The following TRPC4 variants were observed in gnomAD, a reference collection of about 807,000 sequenced individuals.
The protein encoded by TRPC4 is transient receptor potential cation channel subfamily C member 4, also known as short transient receptor potential channel 4.
TRPC4 carries 49 observed loss-of-function variants against 99.4 expected under a neutral mutation model. That is an observed-to-expected ratio of 0.49 (90% CI 0.39 to 0.63). The LOEUF (loss-of-function observed/expected upper bound fraction) is 0.63. Among genes scored for constraint, TRPC4 ranks in the 20% least tolerant of loss-of-function variants. The probability of loss-of-function intolerance (pLI) is 0.00; values close to 1 mark genes in which losing one functional copy is unlikely to be tolerated. For synonymous variants in TRPC4, 454 were observed against 425.9 expected, an observed-to-expected ratio of 1.07 and a Z score of -0.81; for missense variants, 898 against 1,152.9, an observed-to-expected ratio of 0.78 and a Z score of 3.20.
intron 1 of TRPC4, among the ~76,000 whole-genome samples, chr13:37,821,727 CAAT>C (rs1446411146): frequency 6.6e-6 from 1 of 152,010 alleles, no homozygotes; most frequent in Non-Finnish European, 1.5e-5. Context: ...TCTCTCTATT[CAAT>C]AAATGATGCT....
chr13:37,769,075 G>A (rs1956472609), intron 2 of TRPC4, among the ~76,000 whole-genome samples: 1 of 151,338 alleles, frequency 6.6e-6, no homozygotes, highest in Admixed American at 6.6e-5. Flanking sequence ...AAAAATTCAT[G>A]GAAACTTGTA....
At chr13:37,699,315 T>C (rs77232420) in intron 3 of TRPC4, among the ~76,000 whole-genome samples, 24 of 152,268 alleles carry the variant, frequency 1.6e-4, no homozygotes, top group Non-Finnish European at 2.9e-4. Context: ...TATACACGTA[T>C]GTGCATATAC....
intron 2 of TRPC4, among the ~76,000 whole-genome samples, chr13:37,752,775 A>G (rs1170963715): frequency 6.6e-6 from 1 of 152,062 alleles, no homozygotes; most frequent in Non-Finnish European, 1.5e-5. Flanking sequence ...AGGATTACAG[A>G]TTCGCAGGTG....
chr13:37,774,689 G>A (rs768723550), intron 2 of TRPC4, among the ~76,000 whole-genome samples: 7 of 151,496 alleles, frequency 4.6e-5, no homozygotes, highest in East Asian at 3.9e-4. Flanking sequence ...AGTGTGTGTC[G>A]TTCTACTCTA....
chr13:37,787,586 A>G (rs2139371312), intron 1 of TRPC4, among the ~76,000 whole-genome samples: 1 of 152,150 alleles, frequency 6.6e-6, no homozygotes, highest in African/African-American at 2.4e-5. Flanking sequence ...CATAAAAAAT[A>G]TTGCATATGA....
At chr13:37,785,626 A>C (rs1046163635) in intron 1 of TRPC4, among the ~76,000 whole-genome samples, 32 of 152,114 alleles carry the variant, frequency 2.1e-4, no homozygotes, top group South Asian at 4.1e-4. Context: ...TGCACACATC[A>C]GTTCTGCAGG....
chr13:37,637,484 C>T lies in TRPC4; in HGVS notation c.2353G>A (p.Gly785Ser), dbSNP rs750641378. Residue 785 changes from glycine (G) to serine (S), a missense_variant, in exon 11 of 11, where the codon GGT (glycine) becomes AGT (serine). Gly to Ser is a moderately conservative substitution (Grantham distance 56). Coordinates refer to ENST00000379705, the MANE Select transcript of TRPC4 (RefSeq NM_016179.4). ...ADSDEKSDSE[G>S]NSKDKKKNFS... ...TTCTTTTTCTTGTCCTTGCTATTAC[C>T]TTCGCTATCACTCTTTTCATCTGAG... 26 of 1,613,630 alleles carry T rather than the reference C, an allele frequency of 1.6e-5. No individual in the cohort carries two copies. The highest frequency in any genetic ancestry group is 2.2e-5 in the Non-Finnish European group (26 of 1,179,802).
intron 1 of TRPC4, among the ~76,000 whole-genome samples, chr13:37,828,367 T>G (rs1958312740): frequency 6.6e-6 from 1 of 152,190 alleles, no homozygotes; most frequent in African/African-American, 2.4e-5. Context: ...GAAAAGGGAA[T>G]GCTTATACGG....
chr13:37,750,734 G>C (rs1955910982), intron 2 of TRPC4, among the ~76,000 whole-genome samples: 1 of 151,916 alleles, frequency 6.6e-6, no homozygotes, highest in Non-Finnish European at 1.5e-5. Context: ...GTGCCATGGT[G>C]GTTTGCTGCA....
At chr13:37,728,469 T>A (rs1037036366) in intron 3 of TRPC4, among the ~76,000 whole-genome samples, 1 of 152,020 alleles carries the variant, frequency 6.6e-6, no homozygotes, top group African/African-American at 2.4e-5. Context: ...AGGAATTACC[T>A]TAACCATGGA....
intron 1 of TRPC4, among the ~76,000 whole-genome samples, chr13:37,815,121 A>C (rs1437570367): frequency 6.6e-6 from 1 of 151,834 alleles, no homozygotes; most frequent in Non-Finnish European, 1.5e-5. Context: ...ACTATATATC[A>C]ACATGAAAAA....
At chr13:37,796,244 C>T (rs962877501) in intron 1 of TRPC4, among the ~76,000 whole-genome samples, 6 of 152,056 alleles carry the variant, frequency 3.9e-5, no homozygotes, top group African/African-American at 7.2e-5. Context: ...ACAAAAATTC[C>T]GGAAAACTTA....
chr13:37,848,123 C>G (rs1958953929), intron 1 of TRPC4, among the ~76,000 whole-genome samples: 1 of 151,892 alleles, frequency 6.6e-6, no homozygotes, highest in African/African-American at 2.4e-5. Flanking sequence ...GGACATAAGC[C>G]CATCATAAGC....
intron 1 of TRPC4, among the ~76,000 whole-genome samples, chr13:37,799,652 G>A (rs1331779873): frequency 6.7e-6 from 1 of 149,392 alleles, no homozygotes; most frequent in Non-Finnish European, 1.5e-5. Context: ...AAGACATAAA[G>A]CAAATACTAT....
chr13:37,681,606 G>T (rs909095318), intron 4 of TRPC4, among the ~76,000 whole-genome samples: 9 of 152,104 alleles, frequency 5.9e-5, no homozygotes, highest in African/African-American at 2.2e-4. Flanking sequence ...CTGAATTTTT[G>T]AAGAAACAAG....
Position 37,637,300 on chromosome 13 carries a change from C to A in TRPC4, c.2537G>T (p.Gly846Val). ...TTGTTTTGATCGTCTATGAAATAAC[C>A]CAAAGTTTTTGATATCGGTCACAAA... ...VNFVTDIKNF[G>V]LFHRRSKQNA... is the part of the protein sequence containing the mutation. The change falls in exon 11 of 11, where the codon GGG (glycine) becomes GTG (valine). Residue 846 changes from glycine (G) to valine (V), a missense_variant. Gly to Val is a moderately radical substitution (Grantham distance 109). Around this residue, in one of 3 missense-constraint regions of TRPC4, gnomAD observed 346 missense variants for 351.4 expected, o/e 0.98. Coordinates refer to ENST00000379705, the MANE Select transcript of TRPC4 (RefSeq NM_016179.4). 1 of 1,613,716 alleles carries A rather than the reference C, an allele frequency of 6.2e-7. No homozygotes were observed. The highest frequency in any genetic ancestry group is 8.5e-7 in the Non-Finnish European group (1 of 1,179,846).
chr13:37,866,854 G>GGC (rs1678618507), intron 1 of TRPC4, among the ~76,000 whole-genome samples: 1 of 111,860 alleles, frequency 8.9e-6, no homozygotes, highest in Non-Finnish European at 1.7e-5. Context: ...TGTGGGGGGG[G>GGC]GCGGGTATAG....
At chr13:37,749,390 T>C (rs1358024067) in intron 2 of TRPC4, among the ~76,000 whole-genome samples, 1 of 152,126 alleles carries the variant, frequency 6.6e-6, no homozygotes, top group Non-Finnish European at 1.5e-5. Context: ...ACATTATATG[T>C]TGTCTTTACC....
At chr13:37,864,980 A>G (rs183879262) in intron 1 of TRPC4, among the ~76,000 whole-genome samples, 2 of 151,918 alleles carry the variant, frequency 1.3e-5, no homozygotes, top group African/African-American at 4.8e-5. Context: ...TATTCAACAA[A>G]TATCTACTGA....
Sources: allele counts gnomAD v4.1 joint callset (sites outside exome capture counted in the v4.1 genomes callset), GRCh38; gene constraint gnomAD v4.1.1; regional missense constraint gnomAD v4.1.1; transcripts MANE v1.5; gene names NCBI Gene and HGNC (gene_info 2026-07-23, HGNC 2026-07-21).